The following FLT1 variants were observed in gnomAD, a reference collection of about 807,000 sequenced individuals.
FLT1 encodes the protein fms related receptor tyrosine kinase 1.
FLT1 carries 49 observed loss-of-function variants against 156.3 expected under a neutral mutation model. That is an observed-to-expected ratio of 0.31 (90% CI 0.25 to 0.40). The LOEUF is 0.40. Among genes scored for constraint, FLT1 ranks in the 10% least tolerant of loss-of-function variants. The pLI is 1.00. For synonymous variants in FLT1, 594 were observed against 583.8 expected (o/e 1.02, Z -0.25); for missense variants, 1,322 against 1,637.2 (o/e 0.81, Z 3.32).
intron 29 of FLT1, among the ~76,000 whole-genome samples, chr13:28,305,328 A>T (rs980774823): frequency 1.3e-5 from 2 of 151,994 alleles, no homozygotes; most frequent in Non-Finnish European, 2.9e-5. Context: ...AGCTCAAGTG[A>T]TCCTCCCACC....
chr13:28,470,415 T>C (rs1354775322), intron 1 of FLT1, among the ~76,000 whole-genome samples: 1 of 152,178 alleles, frequency 6.6e-6, no homozygotes, highest in Non-Finnish European at 1.5e-5. Flanking sequence ...CAATTGTTCA[T>C]GTGCTGGAAA....
At chr13:28,481,960 T>C (rs1880878299) in intron 1 of FLT1, among the ~76,000 whole-genome samples, 1 of 152,220 alleles carries the variant, frequency 6.6e-6, no homozygotes, top group African/African-American at 2.4e-5. Flanking sequence ...AAATAAAATA[T>C]AATGGATTAC....
In FLT1 at chr13:28,321,511, G is replaced by A. The variant is rs759861750; in HGVS notation, c.3126C>T (p.Gly1042=). 9.3e-6 allele frequency: 15 copies of A among 1,613,966 alleles called. No homozygotes were observed. Among genetic ancestry groups the A allele is most frequent in the South Asian group, 7.7e-5 (7 of 91,090 alleles). ...GGTTCTTATAAATATCCCGGGCAAG[G>A]CCAAAATCACAAATCTTCACCACGT... ...ENNVVKICDF[G]LARDIYKNPD... is the part of the protein sequence containing the mutation. Residue 1042 remains glycine, a synonymous_variant, in exon 23 of 30, where the codon GGC becomes GGT. Coordinates refer to ENST00000282397, the MANE Select transcript of FLT1 (RefSeq NM_002019.4).
At chr13:28,457,936 T>TTC (rs1388164228) in intron 3 of FLT1, among the ~76,000 whole-genome samples, 16 of 142,510 alleles carry the variant, frequency 1.1e-4, no homozygotes, top group Admixed American at 2.1e-4. Flanking sequence ...TCCTTTTCTT[T>TTC]TTTTTTTTTT....
intron 3 of FLT1, among the ~76,000 whole-genome samples, chr13:28,457,935 T>TTTC (rs1555243080): frequency 7.3e-6 from 1 of 137,868 alleles, no homozygotes; most frequent in Admixed American, 7.2e-5. Flanking sequence ...TTCCTTTTCT[T>TTTC]TTTTTTTTTT....
At position 28,384,917 on chromosome 13, in the gene FLT1, A is replaced by C; in HGVS notation, c.2084T>G (p.Phe695Cys). The part of the protein sequence containing the change: ...NGVPEPQITW[F>C]KNNHKIQQEP... ...TTGTTGTATTTTGTGGTTGTTTTTA[A>C]ACCAAGTGATCTGAGGCTCGGGGAC... is the stretch of plus-strand genomic sequence containing the variant. The change falls in exon 14 of 30, where the codon TTT becomes TGT. Residue 695 changes from phenylalanine to cysteine, a missense_variant. This residue lies in a region of FLT1 where 991 missense variants were observed against 1,254.8 expected (regional missense o/e 0.79). Transcript: ENST00000282397. The C allele has an allele frequency of 6.2e-7, 1 of 1,614,150 alleles. No homozygotes were observed. The highest frequency in any genetic ancestry group is 8.5e-7 in the Non-Finnish European group (1 of 1,180,012).
chr13:28,427,437 C>A (rs1239716753), intron 9 of FLT1, 119 bp from the exon 10 acceptor site: 25 of 947,756 alleles, frequency 2.6e-5, no homozygotes, highest in Admixed American at 1.7e-4. Context: ...AAACAAGAAA[C>A]AAAAAAACAA....
In FLT1 at chr13:28,387,058, T is replaced by C. The variant is rs963788881; in HGVS notation, c.1970-2027A>G. On this transcript the variant is annotated intron_variant, in intron 13 of 29. Transcript: ENST00000282397. ...CGATTTGGACTCCCTGACAGGTGGA[T>C]TGGAAAACGGTGTTTAAAGAGAAGA... 18 of 1,036,878 alleles carry C rather than the reference T, an allele frequency of 1.7e-5. No individual in the cohort carries two copies. In the African/African-American group the frequency reaches 1.8e-4, roughly 11 times the overall value. 64.2% of individuals were successfully genotyped at this position (1,036,878 alleles called of 1,614,324 possible).
intron 13 of FLT1, chr13:28,385,428 G>T: frequency 1.5e-6 from 1 of 659,000 alleles, no homozygotes; most frequent in Non-Finnish European, 1.9e-6. Context: ...AATATATAGT[G>T]CTGTAGTGAT....
chr13:28,486,630 ACTT>A (rs10550657), intron 1 of FLT1, among the ~76,000 whole-genome samples: 86,197 of 151,682 alleles, frequency 0.57, 25,314 homozygotes, highest in Admixed American at 0.65. Flanking sequence ...CGGGCAATTC[ACTT>A]CTGCCCCTAA....
chr13:28,452,127 A>C (rs1194336352), intron 3 of FLT1, among the ~76,000 whole-genome samples: 2 of 152,186 alleles, frequency 1.3e-5, no homozygotes, highest in Non-Finnish European at 2.9e-5. Flanking sequence ...TCCAGCCTGC[A>C]TACTTCCAGT....
At chr13:28,314,103 C>T (rs1027060888) in intron 25 of FLT1, among the ~76,000 whole-genome samples, 4 of 152,058 alleles carry the variant, frequency 2.6e-5, no homozygotes, top group South Asian at 4.2e-4. Context: ...GAGGCTGAGG[C>T]GGGAGGATCA....
chr13:28,358,345 C>T (rs1331636804), intron 14 of FLT1, among the ~76,000 whole-genome samples: 2 of 152,188 alleles, frequency 1.3e-5, no homozygotes, highest in Non-Finnish European at 2.9e-5. Context: ...GCGCTTCAAG[C>T]TTTGTCACTT....
Position 28,405,899 on chromosome 13 carries a change from T to TAAA in FLT1, c.1437-8_1437-6dup. 6.5e-6 allele frequency: 9 copies of TAAA among 1,394,854 alleles called. No homozygotes were observed. The highest frequency in any genetic ancestry group is 1.2e-5 in the South Asian group (1 of 82,348). 86.4% of individuals were successfully genotyped at this position (1,394,854 alleles called of 1,614,324 possible). On this transcript the variant is annotated splice_region_variant and splice_polypyrimidine_tract_variant and intron_variant, in intron 10 of 29. Transcript: ENST00000282397. ...TTATTGGAACAAAAGTCACACCTAT[T>TAAA]AAAAAAAAAAGTTGTCACAATGTGG...
In FLT1 at chr13:28,346,537, T is replaced by C. The variant is rs139583056; in HGVS notation, c.2249-986A>G. ...GAGTTTGAGACCAGCCTGGGCAACATAGCAAGATGCCTTCTCTTAAAAAAA... is the reference window on the plus strand; with the variant it reads ...GAGTTTGAGACCAGCCTGGGCAACACAGCAAGATGCCTTCTCTTAAAAAAA... On this transcript the variant is annotated intron_variant, in intron 15 of 29. Coordinates refer to ENST00000282397, the MANE Select transcript of FLT1 (RefSeq NM_002019.4). 2.2e-3 allele frequency among the ~76,000 whole-genome samples: 302 copies of C among 140,028 alleles called. 1 individual carries two copies. The highest frequency in any genetic ancestry group is 7.4e-3 in the African/African-American group (285 of 38,640). The allele number at this position is 140,028 out of a possible 152,430, so 91.9% of individuals were successfully genotyped here. A position where few individuals can be genotyped will look rare whatever the true frequency, so the allele number is the denominator to read the frequency against.
At chr13:28,356,662 A>G (rs1007274728) in intron 15 of FLT1, among the ~76,000 whole-genome samples, 7 of 152,216 alleles carry the variant, frequency 4.6e-5, no homozygotes, top group Non-Finnish European at 7.3e-5. Context: ...GGGGGAAAAA[A>G]ACTGAAGTAC....
At position 28,445,248 on chromosome 13, in the gene FLT1, G is replaced by A. The variant is rs377552013; in HGVS notation, c.389-6903C>T. Among the ~76,000 whole-genome samples the A allele has an allele frequency of 1.9e-4, 29 of 152,078 alleles. No individual in the cohort carries two copies. The East Asian group carries it at 4.3e-3, about 22-fold the overall frequency. Reference sequence around the variant, plus strand: ...TCCCAGCACTTTGGGAGGCTGAGACGGGTGGATTATCTGAGGCAAGGGTTC... The same window carrying A: ...TCCCAGCACTTTGGGAGGCTGAGACAGGTGGATTATCTGAGGCAAGGGTTC... On this transcript the variant is annotated intron_variant, in intron 3 of 29. Transcript: ENST00000282397.
chr13:28,422,281 T>A (rs9319434), intron 10 of FLT1, among the ~76,000 whole-genome samples: 113,268 of 152,104 alleles, frequency 0.74, 42,292 homozygotes, highest in Non-Finnish European at 0.75. Context: ...AGAAAACGAG[T>A]TTTTTCACAA....
chr13:28,441,541 G>GT (rs1878333821), intron 3 of FLT1, among the ~76,000 whole-genome samples: 1 of 152,180 alleles, frequency 6.6e-6, no homozygotes, highest in Non-Finnish European at 1.5e-5. Flanking sequence ...GCTGGTACCA[G>GT]TAGGTAGATA....
Sources: gnomAD v4.1 joint callset for allele counts (sites outside exome capture counted in the v4.1 genomes callset) on GRCh38, gnomAD v4.1.1 for gene constraint, gnomAD v4.1.1 regional missense constraint, MANE v1.5 for transcripts, NCBI Gene and HGNC (gene_info 2026-07-23, HGNC 2026-07-21) for gene names.